The following CAV1 variants were observed in gnomAD, a reference collection of about 807,000 sequenced individuals.
The protein encoded by CAV1 is caveolin-1.
Under a neutral mutation model 16.5 loss-of-function variants are expected in CAV1, and 10 were observed. The observed-to-expected ratio is 0.61, with a 90% CI of 0.37 to 1.03. The LOEUF (loss-of-function observed/expected upper bound fraction) is 1.03, where lower values mean the gene tolerates loss of function less well. CAV1 is among the 50% of genes least tolerant of loss of function. CAV1 has a pLI of 0.01. For missense variants in CAV1, 212 were observed against 232.8 expected (o/e 0.91, Z 0.58); for synonymous variants, 76 against 85.1 (o/e 0.89, Z 0.59).
Position 116,559,194 on chromosome 7 carries a change from T to C in CAV1, c.444T>C (p.Tyr148=). ...LIEIQCISRV[Y]SIYVHTVCDP... is the part of the protein sequence containing the mutation. The stretch of plus-strand genomic sequence containing the variant: ...AGATTCAGTGCATCAGCCGTGTCTA[T>C]TCCATCTACGTCCACACCGTCTGTG... The change falls in exon 3 of 3, where the codon TAT becomes TAC. Residue 148 remains tyrosine, a synonymous_variant. Transcript: ENST00000341049. 1 of 1,614,062 alleles carries C rather than the reference T, an allele frequency of 6.2e-7. No individual in the cohort carries two copies. The highest frequency in any genetic ancestry group is 8.5e-7 in the Non-Finnish European group (1 of 1,179,922).
At chr7:116,535,894 CAA>C (rs897687449) in intron 2 of CAV1, among the ~76,000 whole-genome samples, 5 of 152,100 alleles carry the variant, frequency 3.3e-5, no homozygotes, top group African/African-American at 1.2e-4. Context: ...CTTTTATTTT[CAA>C]AGAGACTTAA....
intron 2 of CAV1, among the ~76,000 whole-genome samples, chr7:116,535,814 A>G (rs998973659): frequency 9.2e-5 from 14 of 152,230 alleles, no homozygotes; most frequent in Non-Finnish European, 1.6e-4. Context: ...GGGGAAGTAC[A>G]TATTCCTAAA....
chr7:116,555,802 T>C (rs1392490883), intron 2 of CAV1, among the ~76,000 whole-genome samples: 1 of 152,116 alleles, frequency 6.6e-6, no homozygotes, highest in South Asian at 2.1e-4. Flanking sequence ...AATTATCTCA[T>C]GTACTCCTCT....
chr7:116,554,168 T>C (rs867228272), intron 2 of CAV1, among the ~76,000 whole-genome samples: 20 of 152,180 alleles, frequency 1.3e-4, no homozygotes, highest in African/African-American at 4.8e-4. Flanking sequence ...CTTTGATTGA[T>C]GTGGATCTCT....
At chr7:116,529,844 T>A (rs1793646934) in intron 2 of CAV1, among the ~76,000 whole-genome samples, 1 of 152,206 alleles carries the variant, frequency 6.6e-6, no homozygotes, top group Non-Finnish European at 1.5e-5. Context: ...TTTTTAAAAT[T>A]TCCTTTAATT....
intron 2 of CAV1, among the ~76,000 whole-genome samples, chr7:116,541,266 G>T (rs1793929568): frequency 6.6e-6 from 1 of 152,076 alleles, no homozygotes; most frequent in Admixed American, 6.5e-5. Context: ...GAAACCCAGG[G>T]TAAGGCTGAG....
At chr7:116,554,906 G>A (rs572339414) in intron 2 of CAV1, among the ~76,000 whole-genome samples, 2 of 152,112 alleles carry the variant, frequency 1.3e-5, no homozygotes, top group Admixed American at 6.5e-5. Context: ...GCAAAAATGC[G>A]CAGACTTGAA....
intron 2 of CAV1, among the ~76,000 whole-genome samples, chr7:116,535,348 T>G (rs1168818997): frequency 6.6e-6 from 1 of 152,170 alleles, no homozygotes; most frequent in Middle Eastern, 3.2e-3. Flanking sequence ...CTGCTGTCTT[T>G]TATCACAGCC....
intron 2 of CAV1, chr7:116,542,686 CAA>C (rs1408407432): frequency 6.6e-6 from 1 of 152,214 alleles, no homozygotes; most frequent in Non-Finnish European, 1.5e-5. Flanking sequence ...GTACATAGCA[CAA>C]ATCTCATATC....
chr7:116,541,753 C>CA (rs5886829), intron 2 of CAV1, among the ~76,000 whole-genome samples: 5 of 108,990 alleles, frequency 4.6e-5, no homozygotes, highest in Admixed American at 1.8e-4. Context: ...GAGCCTGCCT[C>CA]AAAAAAAAAA....
chr7:116,530,354 T>A (rs1241576275), intron 2 of CAV1, among the ~76,000 whole-genome samples: 1 of 152,188 alleles, frequency 6.6e-6, no homozygotes, highest in African/African-American at 2.4e-5. Context: ...ATCTCTACTG[T>A]AAGCCTTCTC....
rs1794372730 is a variant in CAV1, at chr7:116,559,913, A to G, written c.*626A>G. The G allele has an allele frequency of 2.5e-6, 1 of 399,148 alleles. No individual in the cohort carries two copies. Among genetic ancestry groups the G allele is most frequent in the African/African-American group, 2.1e-5 (1 of 48,598 alleles). 24.7% of individuals were successfully genotyped at this position (399,148 alleles called of 1,614,324 possible). On this transcript the variant is annotated 3_prime_UTR_variant, in exon 3 of 3. Transcript: ENST00000341049. Reference sequence around the variant, plus strand: ...AACCTATGATATTTTCTGTGCCTGAATATTTGTTATGTAGATAACAAGACC... The same window carrying G: ...AACCTATGATATTTTCTGTGCCTGAGTATTTGTTATGTAGATAACAAGACC...
intron 2 of CAV1, among the ~76,000 whole-genome samples, chr7:116,553,758 G>A (rs535336538): frequency 7.4e-4 from 113 of 152,288 alleles, no homozygotes; most frequent in African/African-American, 2.6e-3. Context: ...CCTAGGAAAC[G>A]GGACTGGGGA....
chr7:116,534,382 TATATATATATATA>T (rs1340227592), intron 2 of CAV1, among the ~76,000 whole-genome samples: 18 of 12,234 alleles, frequency 1.5e-3, no homozygotes, highest in African/African-American at 3.7e-3. Context: ...TATATATATA[TATATATATATATA>T]TTTTTTTTTT....
chr7:116,532,796 C>G (rs55930206), intron 2 of CAV1, among the ~76,000 whole-genome samples: 2 of 151,952 alleles, frequency 1.3e-5, no homozygotes, highest in Non-Finnish European at 2.9e-5. Context: ...AAGTAAAGAC[C>G]GACACAAAAT....
intron 2 of CAV1, among the ~76,000 whole-genome samples, chr7:116,546,685 G>A (rs1332259558): frequency 1.2e-5 from 1 of 80,030 alleles, no homozygotes; most frequent in East Asian, 3.4e-4. Flanking sequence ...CAACAAGAAT[G>A]AGACTCTGTC....
rs1247111286 is a variant in CAV1, at chr7:116,560,719, TG to T, written c.*1436del. The T allele has an allele frequency of 1.3e-5, 2 of 152,648 alleles. No homozygotes were observed. The highest frequency in any genetic ancestry group is 4.8e-5 in the African/African-American group (2 of 41,454). The allele number at this position is 152,648 out of a possible 1,614,324, so 9.5% of individuals were successfully genotyped here. On this transcript the variant is annotated 3_prime_UTR_variant, in exon 3 of 3. Coordinates refer to ENST00000341049, the MANE Select transcript of CAV1 (RefSeq NM_001753.5). ...CCTGCTCATATTGTGATTCTGCCTT[TG>T]GGGACTTTTCTTAAACCTTCAGTTA...
intron 2 of CAV1, among the ~76,000 whole-genome samples, chr7:116,530,990 A>G (rs1282777544): frequency 6.6e-6 from 1 of 152,234 alleles, no homozygotes; most frequent in African/African-American, 2.4e-5. Flanking sequence ...TGAAATGAAG[A>G]CAATGCGAAG....
chr7:116,558,453 A>G (rs559463884), intron 2 of CAV1, among the ~76,000 whole-genome samples: 27 of 152,252 alleles, frequency 1.8e-4, no homozygotes, highest in Non-Finnish European at 3.2e-4. Flanking sequence ...GGGGAACCCA[A>G]ATATCTGTGT....
Sources: gnomAD v4.1 joint callset for allele counts (sites outside exome capture counted in the v4.1 genomes callset) on GRCh38, gnomAD v4.1.1 for gene constraint, MANE v1.5 for transcripts, NCBI Gene and HGNC (gene_info 2026-07-23, HGNC 2026-07-21) for gene names.